AMOTL1: variants seen among roughly 807,000 people sequenced by gnomAD.
AMOTL1 encodes angiomotin-like protein 1.
Under a neutral mutation model 102.9 loss-of-function variants are expected in AMOTL1, and 45 were observed. The observed-to-expected ratio is 0.44, with a 90% CI of 0.34 to 0.56. The LOEUF (loss-of-function observed/expected upper bound fraction) is 0.56. AMOTL1 is among the 20% of genes least tolerant of loss of function. AMOTL1 has a pLI of 0.01. For missense variants in AMOTL1, 1,114 were observed against 1,225.6 expected, an observed-to-expected ratio of 0.91 and a Z score of 1.36; for synonymous variants, 481 against 484.7, an observed-to-expected ratio of 0.99 and a Z score of 0.10.
At chr11:94,726,008 T>C (rs1415681152) in intron 1 of AMOTL1, among the ~76,000 whole-genome samples, 2 of 152,160 alleles carry the variant, frequency 1.3e-5, no homozygotes, top group Admixed American at 1.3e-4. Flanking sequence ...TGAGAGATGA[T>C]GGCAGTTCAA....
intron 8 of AMOTL1, 85 bp downstream of exon 8, chr11:94,854,167 G>A: frequency 7.0e-7 from 1 of 1,419,642 alleles, no homozygotes; most frequent in Admixed American, 2.8e-5. Flanking sequence ...GCCAGATCCT[G>A]CACCTTGCTC....
intron 3 of AMOTL1, among the ~76,000 whole-genome samples, chr11:94,800,559 G>T (rs1951458275): frequency 6.6e-6 from 1 of 152,172 alleles, no homozygotes; most frequent in Non-Finnish European, 1.5e-5. Context: ...GACCTCACTT[G>T]TTAGCTGTCC....
intron 11 of AMOTL1, among the ~76,000 whole-genome samples, chr11:94,868,576 C>T (rs540332449): frequency 1.3e-5 from 2 of 152,240 alleles, no homozygotes; most frequent in South Asian, 2.1e-4. Flanking sequence ...ACAGTTCCAC[C>T]GCAGAAATGT....
chr11:94,753,121 G>A (rs1345282505), intron 3 of AMOTL1, among the ~76,000 whole-genome samples: 2 of 152,046 alleles, frequency 1.3e-5, no homozygotes, highest in Non-Finnish European at 2.9e-5. Flanking sequence ...GTTTTATGTC[G>A]CTGTCTGGCT....
At chr11:94,743,657 T>C (rs1017660401) in intron 3 of AMOTL1, among the ~76,000 whole-genome samples, 4 of 137,838 alleles carry the variant, frequency 2.9e-5, no homozygotes, top group East Asian at 2.1e-4. Flanking sequence ...ACTTCTTTTT[T>C]TTTTTTTTTT....
chr11:94,784,823 G>A (rs1591961736), intron 1 of AMOTL1, among the ~76,000 whole-genome samples: 2 of 152,118 alleles, frequency 1.3e-5, no homozygotes, highest in South Asian at 4.1e-4. Context: ...ATCATTTCTG[G>A]TCTATACTTG....
In AMOTL1 at chr11:94,859,735, G is replaced by C; in HGVS notation, c.2135+20G>C. The stretch of plus-strand genomic sequence containing the variant: ...TGAGAGGTGAGACCAGTGGAACTCT[G>C]GTGGTCATAAAAGCACAGTTAAAAA... On this transcript the variant is annotated intron_variant, in intron 9 of 12. Coordinates refer to ENST00000433060, the MANE Select transcript of AMOTL1 (RefSeq NM_130847.3). 6.3e-7 allele frequency: 1 copy of C among 1,579,418 alleles called. No individual in the cohort carries two copies. Among genetic ancestry groups the C allele is most frequent in the Non-Finnish European group, 8.6e-7 (1 of 1,160,636 alleles).
chr11:94,777,365 C>T (rs1288378834), intron 1 of AMOTL1, among the ~76,000 whole-genome samples: 1 of 152,096 alleles, frequency 6.6e-6, no homozygotes, highest in Non-Finnish European at 1.5e-5. Flanking sequence ...AGAGTTGATC[C>T]TGTATGATAG....
chr11:94,806,199 C>G (rs915975795), intron 3 of AMOTL1, among the ~76,000 whole-genome samples: 1 of 152,200 alleles, frequency 6.6e-6, no homozygotes, highest in Admixed American at 6.5e-5. Flanking sequence ...TCAGGGAACC[C>G]TGTCAGCCCA....
chr11:94,850,012 C>A, intron 6 of AMOTL1, 102 bp from the exon 7 acceptor site: 2 of 1,330,370 alleles, frequency 1.5e-6, no homozygotes, highest in Non-Finnish European at 2.0e-6. Flanking sequence ...CCATTATTTG[C>A]ATGCTTTTTT....
At chr11:94,849,956 C>T (rs1565380463) in intron 6 of AMOTL1, among the ~76,000 whole-genome samples, 158 bp from the exon 7 acceptor site, 1 of 152,266 alleles carries the variant, frequency 6.6e-6, no homozygotes, top group Admixed American at 6.5e-5. Flanking sequence ...CCATTACCTT[C>T]CATACCACCA....
intron 2 of AMOTL1, among the ~76,000 whole-genome samples, chr11:94,735,843 A>G (rs1163191391): frequency 6.6e-6 from 1 of 152,164 alleles, no homozygotes; most frequent in Non-Finnish European, 1.5e-5. Flanking sequence ...TTTACAGCAA[A>G]CACATTTTAT....
At chr11:94,841,727 G>GA (rs1952305803) in intron 6 of AMOTL1, among the ~76,000 whole-genome samples, 1 of 152,226 alleles carries the variant, frequency 6.6e-6, no homozygotes, top group Non-Finnish European at 1.5e-5. Flanking sequence ...AGCTGAGCTG[G>GA]ATGAATGGGT....
chr11:94,706,858 C>T (rs1398431308), intron 1 of AMOTL1, among the ~76,000 whole-genome samples: 1 of 152,122 alleles, frequency 6.6e-6, no homozygotes, highest in Non-Finnish European at 1.5e-5. Flanking sequence ...GGTGCCTATT[C>T]TAAGAGCTGT....
At position 94,823,217 on chromosome 11, in the gene AMOTL1, C is replaced by T. The variant is rs561703627; in HGVS notation, c.1413+1396C>T. Reference sequence around the variant, plus strand: ...GTGCATGTGTTTACAGACAATTTGTCCCAGCACGTTTGTGCAGAGCTTCCA... The same window carrying T: ...GTGCATGTGTTTACAGACAATTTGTTCCAGCACGTTTGTGCAGAGCTTCCA... On this transcript the variant is annotated intron_variant, in intron 4 of 12. Transcript: ENST00000433060. Among the ~76,000 whole-genome samples the T allele has an allele frequency of 6.5e-4, 99 of 152,256 alleles. 2 individuals carry two copies. The highest frequency in any genetic ancestry group is 1.2e-4 in the Non-Finnish European group (8 of 68,024).
intron 3 of AMOTL1, among the ~76,000 whole-genome samples, chr11:94,810,231 T>C (rs1258896711): frequency 2.0e-5 from 3 of 152,170 alleles, no homozygotes; most frequent in Admixed American, 1.3e-4. Context: ...CAGAAATCTA[T>C]CATAGAATTG....
intron 8 of AMOTL1, among the ~76,000 whole-genome samples, chr11:94,855,027 C>T (rs567127386): frequency 5.3e-5 from 8 of 152,244 alleles, no homozygotes; most frequent in African/African-American, 1.9e-4. Flanking sequence ...GCTCCTGGCC[C>T]CAGATGAGCC....
At chr11:94,760,695 C>CT (rs1565342073) in intron 3 of AMOTL1, among the ~76,000 whole-genome samples, 1 of 152,192 alleles carries the variant, frequency 6.6e-6, no homozygotes, top group Non-Finnish European at 1.5e-5. Context: ...TAGTCTGCTC[C>CT]TTTTTTTCAT....
intron 11 of AMOTL1, chr11:94,866,449 C>G (rs1268433962): frequency 4.6e-6 from 2 of 432,780 alleles, no homozygotes; most frequent in African/African-American, 4.0e-5. Flanking sequence ...ACACAAAAGG[C>G]TCTCATAGAA....
Sources: gnomAD v4.1 joint callset for allele counts (sites outside exome capture counted in the v4.1 genomes callset) on GRCh38, gnomAD v4.1.1 for gene constraint, MANE v1.5 for transcripts, NCBI Gene and HGNC (gene_info 2026-07-23, HGNC 2026-07-21) for gene names.